Variants in RPN2 observed in about 807,000 individuals in gnomAD.
RPN2 encodes the protein ribophorin II.
A neutral mutation model predicts 71.4 loss-of-function variants in RPN2; 29 were observed. The observed-to-expected ratio is 0.41, with a 90% CI of 0.30 to 0.55. The LOEUF (loss-of-function observed/expected upper bound fraction) is 0.55, where lower values mean the gene tolerates loss of function less well. RPN2 is among the 20% of genes least tolerant of loss of function. The pLI is 0.35. For synonymous variants in RPN2, 308 were observed against 305.0 expected, an observed-to-expected ratio of 1.01 and a Z score of -0.10; for missense variants, 726 against 774.1, an observed-to-expected ratio of 0.94 and a Z score of 0.74.
chr20:37,213,777 A>G lies in RPN2; in HGVS notation c.1004A>G (p.Asn335Ser). Residue 335 changes from asparagine to serine, a missense_variant, in exon 9 of 17, where the codon AAT becomes AGT. Physicochemically the swap from Asn to Ser is conservative, Grantham distance 46. Coordinates refer to ENST00000237530, the MANE Select transcript of RPN2 (RefSeq NM_002951.5). ...CTTAACAGGGATGTTTTTGAACTAA[A>G]TTTCATGAACGTCAAATTTTCCAGT... Reference protein sequence around the residue: ...FTPVGDVFELNFMNVKFSSGY... With the variant: ...FTPVGDVFELSFMNVKFSSGY... 1.9e-6 allele frequency: 3 copies of G among 1,613,954 alleles called. No individual in the cohort carries two copies. Among genetic ancestry groups the G allele is most frequent in the Non-Finnish European group, 2.5e-6 (3 of 1,179,842 alleles).
intron 8 of RPN2, among the ~76,000 whole-genome samples, chr20:37,212,486 T>G (rs1331181964): frequency 4.4e-5 from 1 of 22,892 alleles, no homozygotes; most frequent in Non-Finnish European, 8.6e-5. Flanking sequence ...TTGTATAGAA[T>G]TTTTTTTTTT....
At chr20:37,197,284 C>T (rs189578340) in intron 2 of RPN2, among the ~76,000 whole-genome samples, 56 of 152,204 alleles carry the variant, frequency 3.7e-4, no homozygotes, top group Non-Finnish European at 4.9e-4. Flanking sequence ...TAAAGCAACA[C>T]GGTTACACTT....
chr20:37,204,698 G>A, intron 5 of RPN2, 69 bp from the exon 6 acceptor site: 1 of 1,551,346 alleles, frequency 6.4e-7, no homozygotes, highest in East Asian at 2.2e-5. Flanking sequence ...CAGTGGGGTT[G>A]ACAGTGGTTC....
rs148177562 is a variant in RPN2 at position 37,235,110 on chromosome 20, G to A, written c.1753+1015G>A. ...TAGGCAAATGTCTGTATTTTTCTGGGGAAAGAGAGAGTTGTGACTTTGATC... is the reference window on the plus strand; with the variant it reads ...TAGGCAAATGTCTGTATTTTTCTGGAGAAAGAGAGAGTTGTGACTTTGATC... On this transcript the variant is annotated intron_variant, in intron 15 of 16. Transcript: ENST00000237530. Among the ~76,000 whole-genome samples, 429 of 152,118 alleles carry A rather than the reference G, an allele frequency of 2.8e-3. 1 individual carries two copies. Among genetic ancestry groups the A allele is most frequent in the African/African-American group, 0.01 (418 of 41,516 alleles).
In RPN2 at chr20:37,198,435, C is replaced by T. The variant is rs772290577; in HGVS notation, c.246C>T (p.Ser82=). 5.6e-6 allele frequency: 9 copies of T among 1,614,230 alleles called. No individual in the cohort carries two copies. The South Asian group carries it at 9.9e-5, about 18-fold the overall frequency. Residue 82 remains serine (S), a synonymous_variant, in exon 3 of 17, where the codon AGC becomes AGT. Transcript: ENST00000237530. ...CTYIRSNLDP[S]NVDSLFYAAQ... ...ACATCAGATCTAACCTTGATCCCAG[C>T]AATGTGGATTCCCTCTTCTACGCTG...
intron 16 of RPN2, chr20:37,238,849 T>C (rs1023149479): frequency 3.8e-6 from 2 of 524,686 alleles, no homozygotes; most frequent in Non-Finnish European, 7.6e-6. Context: ...TGGCACACCT[T>C]GTCACTGTTT....
intron 4 of RPN2, among the ~76,000 whole-genome samples, chr20:37,201,338 A>G (rs1430673370): frequency 6.8e-6 from 1 of 146,970 alleles, no homozygotes; most frequent in East Asian, 2.0e-4. Flanking sequence ...CTGCAGTGCA[A>G]TGCGATCATA....
In RPN2 at chr20:37,216,199, C is replaced by T. The variant is rs1396898386; in HGVS notation, c.1092+2334C>T. ...ACTAAAAACACAAAAAGTAGCCAGG[C>T]GTGGTGGCACGTGCCTGTAATCCCA... On this transcript the variant is annotated intron_variant, in intron 9 of 16. Coordinates refer to ENST00000237530, the MANE Select transcript of RPN2 (RefSeq NM_002951.5). Among the ~76,000 whole-genome samples, 6 of 152,050 alleles carry T rather than the reference C, an allele frequency of 3.9e-5. No individual in the cohort carries two copies. The South Asian group carries it at 6.2e-4, about 16-fold the overall frequency.
intron 2 of RPN2, among the ~76,000 whole-genome samples, chr20:37,195,818 A>G (rs1478450589): frequency 6.6e-6 from 1 of 152,106 alleles, no homozygotes; most frequent in African/African-American, 2.4e-5. Flanking sequence ...TCAGATCCCT[A>G]ATTGATGCAA....
At chr20:37,204,203 A>C (rs1183684807) in intron 5 of RPN2, among the ~76,000 whole-genome samples, 1 of 152,186 alleles carries the variant, frequency 6.6e-6, no homozygotes, top group East Asian at 1.9e-4. Context: ...CTTTGCCCAG[A>C]ATATCATGCT....
At chr20:37,202,188 C>G (rs1027819853) in intron 4 of RPN2, among the ~76,000 whole-genome samples, 3 of 152,206 alleles carry the variant, frequency 2.0e-5, no homozygotes, top group African/African-American at 4.8e-5. Flanking sequence ...ATCTTAACTG[C>G]CTTTTCTGAG....
intron 10 of RPN2, 106 bp from the exon 11 acceptor site, chr20:37,225,582 C>CTA (rs2068056075): frequency 1.3e-6 from 1 of 775,154 alleles, no homozygotes. Context: ...AGAAGTGTTA[C>CTA]TATGGGAGAG....
intron 9 of RPN2, among the ~76,000 whole-genome samples, chr20:37,215,776 G>A (rs1425014737): frequency 6.6e-6 from 1 of 152,130 alleles, no homozygotes; most frequent in African/African-American, 2.4e-5. Context: ...TTAGTAATCT[G>A]ATGCATATGA....
chr20:37,198,932 A>G, intron 3 of RPN2, 118 bp from the exon 4 acceptor site: 1 of 827,836 alleles, frequency 1.2e-6, no homozygotes, highest in Non-Finnish European at 2.1e-6. Flanking sequence ...TTAGAGGGGG[A>G]TGAGCATGTG....
intron 4 of RPN2, among the ~76,000 whole-genome samples, chr20:37,202,852 C>T (rs549589898): frequency 1.1e-4 from 17 of 152,194 alleles, no homozygotes; most frequent in African/African-American, 3.9e-4. Flanking sequence ...TAGGCAAATC[C>T]GTAGAGATAG....
rs1411068889 is a variant in RPN2, at chr20:37,207,279, G to A, written c.697G>A (p.Val233Ile). Residue 233 changes from valine to isoleucine, a missense_variant, in exon 7 of 17, where the codon GTC becomes ATC. By Grantham distance (29) the Val-to-Ile change is conservative (BLOSUM62 3). Coordinates refer to ENST00000237530, the MANE Select transcript of RPN2 (RefSeq NM_002951.5). Reference protein sequence around the residue: ...GTEPSIKEDQVIQLMNAIFSK... With the variant: ...GTEPSIKEDQIIQLMNAIFSK... ...CATTTCGCATTTCTTTCAGGATCAG[G>A]TCATCCAGCTGATGAACGCGATCTT... The A allele has an allele frequency of 1.2e-6, 2 of 1,613,474 alleles. No homozygotes were observed. The highest frequency in any genetic ancestry group is 1.7e-6 in the Non-Finnish European group (2 of 1,179,362).
At chr20:37,179,586 T>G (rs960698137) in intron 1 of RPN2, 4 of 1,252,656 alleles carry the variant, frequency 3.2e-6, no homozygotes, top group Admixed American at 3.2e-5. Context: ...GGGGGAGGGG[T>G]GCAGCGCGGA....
chr20:37,189,311 C>CTGTGTG (rs748314418), intron 2 of RPN2, among the ~76,000 whole-genome samples: 2 of 115,296 alleles, frequency 1.7e-5, no homozygotes, highest in African/African-American at 6.8e-5. Flanking sequence ...ATGGGCCAAA[C>CTGTGTG]TGTGTGTGTG....
chr20:37,227,564 T>C (rs969367462), intron 11 of RPN2, among the ~76,000 whole-genome samples: 13 of 152,234 alleles, frequency 8.5e-5, no homozygotes, highest in Non-Finnish European at 2.9e-5. Context: ...GGTGGTTCTT[T>C]GTTGTTCAGG....
Sources: allele counts gnomAD v4.1 joint callset (sites outside exome capture counted in the v4.1 genomes callset), GRCh38; gene constraint gnomAD v4.1.1; transcripts MANE v1.5; gene names NCBI Gene and HGNC (gene_info 2026-07-23, HGNC 2026-07-21).